The following COG5 variants were observed in gnomAD, a reference collection of about 807,000 sequenced individuals.
COG5 encodes conserved oligomeric Golgi complex subunit 5.
A neutral mutation model predicts 110.4 loss-of-function variants in COG5; 86 were observed. The observed-to-expected ratio is 0.78, with a 90% CI of 0.65 to 0.93. COG5 has a LOEUF of 0.93. Among genes scored for constraint, COG5 ranks in the 40% least tolerant of loss-of-function variants. The pLI, the probability that COG5 is intolerant of heterozygous loss-of-function variation, is 0.00. For missense variants in COG5, 1,077 were observed against 987.0 expected, an observed-to-expected ratio of 1.09 and a Z score of -1.22; for synonymous variants, 360 against 334.6, an observed-to-expected ratio of 1.08 and a Z score of -0.83.
intron 6 of COG5, among the ~76,000 whole-genome samples, chr7:107,509,903 T>C (rs909696868): frequency 5.3e-5 from 8 of 152,092 alleles, no homozygotes; most frequent in Non-Finnish European, 1.2e-4. Context: ...AAAGAAGCAC[T>C]AAACATGGAA....
At chr7:107,493,614 T>C (rs928581616) in intron 6 of COG5, among the ~76,000 whole-genome samples, 20 of 152,152 alleles carry the variant, frequency 1.3e-4, no homozygotes, top group African/African-American at 4.6e-4. Flanking sequence ...AATCCCTAAA[T>C]AATGTCACCA....
intron 6 of COG5, among the ~76,000 whole-genome samples, chr7:107,521,695 T>C (rs779833631): frequency 6.6e-6 from 1 of 152,186 alleles, no homozygotes; most frequent in East Asian, 1.9e-4. Flanking sequence ...GGAATGTAAA[T>C]TAGTTCAACA....
chr7:107,506,457 G>A (rs1799013436), intron 6 of COG5, among the ~76,000 whole-genome samples: 1 of 152,178 alleles, frequency 6.6e-6, no homozygotes, highest in Admixed American at 6.5e-5. Flanking sequence ...GGGGCAAGCA[G>A]CAGCCCCTGG....
chr7:107,500,022 T>A (rs550171582), intron 6 of COG5, among the ~76,000 whole-genome samples: 22 of 152,114 alleles, frequency 1.4e-4, no homozygotes, highest in African/African-American at 5.3e-4. Flanking sequence ...AGTCCCTTCC[T>A]TGAGCCCAAA....
intron 6 of COG5, among the ~76,000 whole-genome samples, chr7:107,447,311 A>C (rs140125369): frequency 6.6e-6 from 1 of 152,218 alleles, no homozygotes; most frequent in Non-Finnish European, 1.5e-5. Context: ...TACTTAGCCC[A>C]TATCTAGGTC....
At chr7:107,227,387 T>TAGGG (rs1800421785) in intron 19 of COG5, among the ~76,000 whole-genome samples, 1 of 152,130 alleles carries the variant, frequency 6.6e-6, no homozygotes, top group Admixed American at 6.5e-5. Flanking sequence ...TGAAAACTGT[T>TAGGG]ACGCCATAAG....
intron 5 of COG5, among the ~76,000 whole-genome samples, chr7:107,528,454 C>G (rs531192975): frequency 6.6e-6 from 1 of 152,308 alleles, no homozygotes; most frequent in African/African-American, 2.4e-5. Flanking sequence ...TCACACACTT[C>G]CTATTCCTTT....
chr7:107,327,267 T>A (rs1297038578), intron 10 of COG5, among the ~76,000 whole-genome samples: 3 of 152,152 alleles, frequency 2.0e-5, no homozygotes, highest in Non-Finnish European at 4.4e-5. Flanking sequence ...GTTGAAACTT[T>A]ACCTCATACC....
intron 6 of COG5, chr7:107,475,437 C>A: frequency 3.0e-6 from 2 of 660,928 alleles, no homozygotes; most frequent in South Asian, 2.5e-5. Flanking sequence ...ATATTACTGC[C>A]AAATATAAGA....
At chr7:107,451,107 C>A (rs1271589434) in intron 6 of COG5, among the ~76,000 whole-genome samples, 1 of 152,138 alleles carries the variant, frequency 6.6e-6, no homozygotes, top group Non-Finnish European at 1.5e-5. Flanking sequence ...CATGCCATCG[C>A]TGTTACAGAA....
intron 6 of COG5, among the ~76,000 whole-genome samples, chr7:107,450,796 C>CA (rs1380705451): frequency 1.3e-5 from 2 of 152,190 alleles, no homozygotes; most frequent in African/African-American, 2.4e-5. Flanking sequence ...ACAACGAGAA[C>CA]ACCTTTTCTT....
Position 107,378,464 on chromosome 7 carries a change from A to G in COG5, c.670-5704T>C, listed in dbSNP as rs1051998745. Among the ~76,000 whole-genome samples, 85 of 152,326 alleles carry G rather than the reference A, an allele frequency of 5.6e-4. 1 individual carries two copies. Among genetic ancestry groups the G allele is most frequent in the Admixed American group, 4.0e-3 (61 of 15,306 alleles). The stretch of plus-strand genomic sequence containing the variant: ...AGCAGGCTTCAGAAGGTGGGTAATA[A>G]CAAACTCCTCCGAGCTAAAGGAGCA... On this transcript the variant is annotated intron_variant, in intron 7 of 21. Coordinates refer to ENST00000297135, the MANE Select transcript of COG5 (RefSeq NM_006348.5).
intron 8 of COG5, among the ~76,000 whole-genome samples, chr7:107,362,953 T>A (rs1341948480): frequency 6.6e-6 from 1 of 152,162 alleles, no homozygotes; most frequent in Non-Finnish European, 1.5e-5. Flanking sequence ...GAACGCTGAC[T>A]TTAGTGAGAC....
Position 107,294,717 on chromosome 7 carries a change from T to C in COG5, c.1313+3425A>G, listed in dbSNP as rs1435022437. On this transcript the variant is annotated intron_variant, in intron 12 of 21. Coordinates refer to ENST00000297135, the MANE Select transcript of COG5 (RefSeq NM_006348.5). ...CTCCTCATCTTAATTTTCTTTCTTTTTTTTTTTTTTTTTTTTGAGACAGAA... is the reference window on the plus strand; with the variant it reads ...CTCCTCATCTTAATTTTCTTTCTTTCTTTTTTTTTTTTTTTTGAGACAGAA... Among the ~76,000 whole-genome samples the C allele has an allele frequency of 2.8e-3, 373 of 134,144 alleles. 1 individual carries two copies. The highest frequency in any genetic ancestry group is 9.0e-3 in the African/African-American group (305 of 33,766). The allele number at this position is 134,144 out of a possible 152,430, so 88.0% of individuals were successfully genotyped here.
At chr7:107,208,209 G>A in intron 21 of COG5, 3 of 985,376 alleles carry the variant, frequency 3.0e-6, no homozygotes, top group Non-Finnish European at 3.6e-6. Context: ...TTTGCTAAGG[G>A]CATGAAGGTT....
chr7:107,229,531 A>G (rs1800613412), intron 19 of COG5, among the ~76,000 whole-genome samples: 1 of 152,212 alleles, frequency 6.6e-6, no homozygotes, highest in African/African-American at 2.4e-5. Context: ...AGCCATATGA[A>G]TAACATCTCC....
intron 12 of COG5, among the ~76,000 whole-genome samples, chr7:107,297,715 C>T (rs1175214269): frequency 6.6e-6 from 1 of 152,090 alleles, no homozygotes; most frequent in African/African-American, 2.4e-5. Flanking sequence ...AACACATTGA[C>T]TGAGAACCTA....
At chr7:107,442,075 T>C (rs959707597) in intron 6 of COG5, among the ~76,000 whole-genome samples, 8 of 152,214 alleles carry the variant, frequency 5.3e-5, no homozygotes, top group African/African-American at 7.2e-5. Context: ...AAATCTCATA[T>C]TGAATTGTCA....
chr7:107,295,448 C>A (rs1447887041), intron 12 of COG5, among the ~76,000 whole-genome samples: 1 of 152,008 alleles, frequency 6.6e-6, no homozygotes, highest in East Asian at 1.9e-4. Context: ...AAATTTGACA[C>A]AAGTAATGAA....
Sources: gnomAD v4.1 joint callset for allele counts (sites outside exome capture counted in the v4.1 genomes callset) on GRCh38, gnomAD v4.1.1 for gene constraint, MANE v1.5 for transcripts, NCBI Gene and HGNC (gene_info 2026-07-23, HGNC 2026-07-21) for gene names.